Variants in GFRA1 observed in about 807,000 individuals in gnomAD.
GFRA1 encodes GDNF family receptor alpha-1.
GFRA1 carries 16 observed loss-of-function variants against 51.6 expected under a neutral mutation model. That is an observed-to-expected ratio of 0.31 (90% CI 0.21 to 0.47). The LOEUF is 0.47. Among genes scored for constraint, GFRA1 ranks in the 20% least tolerant of loss-of-function variants. The probability of loss-of-function intolerance (pLI) is 1.00; values close to 1 mark genes in which losing one functional copy is unlikely to be tolerated. For missense variants in GFRA1, 530 were observed against 594.3 expected, an observed-to-expected ratio of 0.89 and a Z score of 1.13; for synonymous variants, 270 against 241.3, an observed-to-expected ratio of 1.12 and a Z score of -1.10.
chr10:116,197,479 G>T (rs1010446092), intron 5 of GFRA1, among the ~76,000 whole-genome samples: 4 of 152,138 alleles, frequency 2.6e-5, no homozygotes, highest in African/African-American at 9.7e-5. Flanking sequence ...TGTGTATATT[G>T]TTTATGTATA....
chr10:116,155,418 C>G (rs939766137), intron 5 of GFRA1, among the ~76,000 whole-genome samples: 2 of 152,134 alleles, frequency 1.3e-5, no homozygotes. Flanking sequence ...TCATGGGGTG[C>G]TGACAGAAGG....
chr10:116,192,233 C>T (rs1565639903), intron 5 of GFRA1, among the ~76,000 whole-genome samples: 1 of 152,178 alleles, frequency 6.6e-6, no homozygotes, highest in Non-Finnish European at 1.5e-5. Flanking sequence ...CCAGGAGTAT[C>T]TACCTGAATG....
rs1959720573 is a variant in GFRA1 at position 116,161,027 on chromosome 10, C to T, written c.434-35470G>A. Among the ~76,000 whole-genome samples, 3 of 152,190 alleles carry T rather than the reference C, an allele frequency of 2.0e-5. No homozygotes were observed. In the South Asian group the frequency reaches 6.2e-4, roughly 32 times the overall value. On this transcript the variant is annotated intron_variant, in intron 5 of 10. Coordinates refer to ENST00000355422, the MANE Select transcript of GFRA1 (RefSeq NM_005264.8). Reference sequence around the variant, plus strand: ...AGATGGTCTCCTGCAGCCAGAGAGACCAGATGGCTTTCAACCTGGAGGAGG... The same window carrying T: ...AGATGGTCTCCTGCAGCCAGAGAGATCAGATGGCTTTCAACCTGGAGGAGG...
At chr10:116,209,834 G>C (rs1220470801) in intron 5 of GFRA1, among the ~76,000 whole-genome samples, 1 of 152,012 alleles carries the variant, frequency 6.6e-6, no homozygotes, top group Non-Finnish European at 1.5e-5. Flanking sequence ...CAGCGGGCGA[G>C]TTCTTTGCCA....
chr10:116,214,773 A>T (rs547622988), intron 4 of GFRA1, among the ~76,000 whole-genome samples: 1 of 152,326 alleles, frequency 6.6e-6, no homozygotes, highest in Admixed American at 6.5e-5. Flanking sequence ...ACTTCCTTCA[A>T]AATTCAGTAC....
At chr10:116,091,283 C>G (rs547294889) in intron 8 of GFRA1, among the ~76,000 whole-genome samples, 1 of 152,220 alleles carries the variant, frequency 6.6e-6, no homozygotes, top group Non-Finnish European at 1.5e-5. Context: ...ATGGGGCACA[C>G]AGTAGTGAAC....
intron 2 of GFRA1, among the ~76,000 whole-genome samples, chr10:116,271,772 G>A (rs1843961345): frequency 2.0e-5 from 3 of 152,106 alleles, no homozygotes; most frequent in Non-Finnish European, 2.9e-5. Flanking sequence ...AAAACCACAG[G>A]AAATCAAAAC....
chr10:116,269,203 C>A (rs1214870714), intron 4 of GFRA1, among the ~76,000 whole-genome samples: 1 of 151,986 alleles, frequency 6.6e-6, no homozygotes. Context: ...AAGTGGCACT[C>A]CCTTTGCAAG....
Position 116,082,544 on chromosome 10 carries a change from G to A in GFRA1, c.1197+7197C>T, listed in dbSNP as rs2694772. Among the ~76,000 whole-genome samples, 992 of 151,928 alleles carry A rather than the reference G, an allele frequency of 6.5e-3. 8 individuals carry two copies. The highest frequency in any genetic ancestry group is 0.011 in the Non-Finnish European group (761 of 67,956). ...CTAGAGTGCAAGAGCGTAATGGTGC[G>A]ATCTTGGCTCACCACAACCTCCGCC... On this transcript the variant is annotated intron_variant, in intron 9 of 10. Coordinates refer to ENST00000355422, the MANE Select transcript of GFRA1 (RefSeq NM_005264.8).
chr10:116,203,384 C>T (rs1964491419), intron 5 of GFRA1, among the ~76,000 whole-genome samples: 1 of 152,136 alleles, frequency 6.6e-6, no homozygotes, highest in Non-Finnish European at 1.5e-5. Flanking sequence ...CTGAAGGGAA[C>T]CAGGTGCATC....
At chr10:116,266,907 C>T (rs1019656775) in intron 4 of GFRA1, among the ~76,000 whole-genome samples, 5 of 152,194 alleles carry the variant, frequency 3.3e-5, no homozygotes, top group Non-Finnish European at 5.9e-5. Context: ...TGGACTGTAA[C>T]GATTAGAGAT....
chr10:116,106,710 C>T (rs766219889), intron 6 of GFRA1, among the ~76,000 whole-genome samples: 1 of 151,372 alleles, frequency 6.6e-6, no homozygotes, highest in Non-Finnish European at 1.5e-5. Context: ...GGAATTATCT[C>T]GTTCCTGTCT....
At position 116,136,078 on chromosome 10, in the gene GFRA1, A is replaced by C. The variant is rs142212846; in HGVS notation, c.434-10521T>G. Among the ~76,000 whole-genome samples, 711 of 152,380 alleles carry C rather than the reference A, an allele frequency of 4.7e-3. 7 individuals are homozygous for C. Among genetic ancestry groups the C allele is most frequent in the African/African-American group, 0.016 (672 of 41,588 alleles). ...TAATTTTCTAAAAGTGAAATCTTTT[A>C]ATGACTTTCTCTGGACCAGAAAAAA... On this transcript the variant is annotated intron_variant, in intron 5 of 10. Transcript: ENST00000355422.
chr10:116,178,479 G>C (rs759219611), intron 5 of GFRA1, among the ~76,000 whole-genome samples: 6 of 152,238 alleles, frequency 3.9e-5, no homozygotes, highest in Non-Finnish European at 8.8e-5. Flanking sequence ...TACTCGGCGA[G>C]TGTACCACTT....
chr10:116,182,642 C>G (rs538255520), intron 5 of GFRA1, among the ~76,000 whole-genome samples: 5 of 152,346 alleles, frequency 3.3e-5, no homozygotes, highest in African/African-American at 1.2e-4. Flanking sequence ...CAGGTGTCAA[C>G]AAACTGCCAT....
intron 5 of GFRA1, among the ~76,000 whole-genome samples, chr10:116,209,629 A>AT (rs928518601): frequency 2.7e-4 from 41 of 152,020 alleles, no homozygotes; most frequent in African/African-American, 9.9e-4. Context: ...TTCTAGCACA[A>AT]TTTATCATCC....
intron 4 of GFRA1, among the ~76,000 whole-genome samples, chr10:116,244,056 A>C (rs1447481485): frequency 6.6e-6 from 1 of 152,208 alleles, no homozygotes; most frequent in Non-Finnish European, 1.5e-5. Flanking sequence ...ATGTAGGAAT[A>C]CTAGAGAAAA....
rs1565694569 is a variant in GFRA1, at chr10:116,270,923, G to T, written c.233C>A (p.Ala78Asp). 9 of 1,614,004 alleles carry T rather than the reference G, an allele frequency of 5.6e-6. No homozygotes were observed. The highest frequency in any genetic ancestry group is 7.6e-6 in the Non-Finnish European group (9 of 1,180,022). Reference protein sequence around the residue: ...AKDECRSAMEALKQKSLYNCR... With the variant: ...AKDECRSAMEDLKQKSLYNCR... ...GTTGTAGAGCGACTTCTGCTTCAGG[G>T]CCTCCATGGCGCTGCGGCACTCATC... Residue 78 changes from alanine (A) to aspartate (D), a missense_variant, in exon 3 of 11, where the codon GCC (alanine) becomes GAC (aspartate). Transcript: ENST00000355422.
At chr10:116,229,535 T>C (rs2134553547) in intron 4 of GFRA1, among the ~76,000 whole-genome samples, 1 of 152,224 alleles carries the variant, frequency 6.6e-6, no homozygotes, top group East Asian at 1.9e-4. Context: ...ATAAGGGAAA[T>C]GAAGGGTGAT....
Sources: allele counts gnomAD v4.1 joint callset (sites outside exome capture counted in the v4.1 genomes callset), GRCh38; gene constraint gnomAD v4.1.1; transcripts MANE v1.5; gene names NCBI Gene and HGNC (gene_info 2026-07-23, HGNC 2026-07-21).